The following MACROD2 variants were observed in gnomAD, a reference collection of about 807,000 sequenced individuals.
The protein encoded by MACROD2 is mono-ADP ribosylhydrolase 2.
A neutral mutation model predicts 70.4 loss-of-function variants in MACROD2; 36 were observed. The ratio of observed to expected loss-of-function variants is 0.51; its 90% CI spans 0.39 to 0.68. MACROD2 has a LOEUF of 0.68. Among genes scored for constraint, MACROD2 ranks in the 30% least tolerant of loss-of-function variants. The pLI is 0.00. For missense variants in MACROD2, 496 were observed against 538.4 expected, an observed-to-expected ratio of 0.92 and a Z score of 0.78; for synonymous variants, 172 against 178.8, an observed-to-expected ratio of 0.96 and a Z score of 0.30.
chr20:14,123,093 A>G (rs1305084871), intron 3 of MACROD2, among the ~76,000 whole-genome samples: 1 of 152,192 alleles, frequency 6.6e-6, no homozygotes, highest in Non-Finnish European at 1.5e-5. Flanking sequence ...AATAGGGTAC[A>G]TAATTTTTAG....
chr20:14,936,449 A>G (rs868669149), intron 5 of MACROD2, among the ~76,000 whole-genome samples: 13 of 152,138 alleles, frequency 8.5e-5, no homozygotes, highest in Non-Finnish European at 1.3e-4. Context: ...AAATGTTTCT[A>G]TGTCCCCACA....
chr20:14,251,408 A>C (rs1025918829), intron 3 of MACROD2, among the ~76,000 whole-genome samples: 1 of 152,094 alleles, frequency 6.6e-6, no homozygotes, highest in Non-Finnish European at 1.5e-5. Context: ...TCTTTGTTTT[A>C]TCTAAACTTG....
chr20:14,226,979 T>TGAGGACGTG (rs2081743551), intron 3 of MACROD2, among the ~76,000 whole-genome samples: 1 of 152,214 alleles, frequency 6.6e-6, no homozygotes, highest in African/African-American at 2.4e-5. Context: ...CTGAGTCTGG[T>TGAGGACGTG]GAGGACGTGG....
intron 8 of MACROD2, among the ~76,000 whole-genome samples, chr20:15,500,350 A>C (rs1055554160): frequency 6.6e-6 from 1 of 152,182 alleles, no homozygotes; most frequent in Non-Finnish European, 1.5e-5. Context: ...GGGATTTCTT[A>C]TGAAACTAAA....
intron 10 of MACROD2, among the ~76,000 whole-genome samples, chr20:15,896,839 A>C (rs1236997692): frequency 6.6e-6 from 1 of 152,182 alleles, no homozygotes; most frequent in Non-Finnish European, 1.5e-5. Context: ...ACACCATACC[A>C]ATAATGAAAT....
intron 3 of MACROD2, among the ~76,000 whole-genome samples, chr20:14,160,818 G>A (rs573425730): frequency 1.3e-4 from 19 of 151,716 alleles, no homozygotes; most frequent in Non-Finnish European, 2.2e-4. Flanking sequence ...TTATGTATTT[G>A]AAATCTTTAT....
chr20:14,967,896 G>A (rs946555796), intron 5 of MACROD2, among the ~76,000 whole-genome samples: 3 of 152,088 alleles, frequency 2.0e-5, no homozygotes, highest in Non-Finnish European at 2.9e-5. Flanking sequence ...ACCAGGATAA[G>A]GAAGATATGT....
At chr20:14,606,901 A>G (rs1982842218) in intron 4 of MACROD2, among the ~76,000 whole-genome samples, 1 of 152,096 alleles carries the variant, frequency 6.6e-6, no homozygotes, top group Non-Finnish European at 1.5e-5. Context: ...TTTGTTGTGT[A>G]AGTAACACAT....
chr20:15,772,039 C>G (rs574609209), intron 8 of MACROD2, among the ~76,000 whole-genome samples: 2 of 140,032 alleles, frequency 1.4e-5, no homozygotes, highest in East Asian at 4.3e-4. Flanking sequence ...GAGCCGAGAT[C>G]GCGCCACTGC....
rs778142501 is a variant in MACROD2 at position 15,869,210 on chromosome 20, C to CAT, written c.727+6412_727+6413dup. Among the ~76,000 whole-genome samples the CAT allele has an allele frequency of 5.1e-3, 265 of 51,870 alleles. 15 individuals carry two copies. Among genetic ancestry groups the CAT allele is most frequent in the Middle Eastern group, 0.028 (2 of 72 alleles). The allele number at this position is 51,870 out of a possible 152,430, so 34.0% of individuals were successfully genotyped here. On this transcript the variant is annotated intron_variant, in intron 9 of 17. Coordinates refer to ENST00000684519, the MANE Select transcript of MACROD2 (RefSeq NM_001351661.2). ...GTCAACTTTACTTAAATGTGATTAACATATATATATATATATATATATATA... is the reference window on the plus strand; with the variant it reads ...GTCAACTTTACTTAAATGTGATTAACATATATATATATATATATATATATATA...
chr20:15,687,007 C>CTTTTTTTTTTTT, intron 8 of MACROD2, among the ~76,000 whole-genome samples: 1 of 122,186 alleles, frequency 8.2e-6, no homozygotes, highest in East Asian at 2.3e-4. Flanking sequence ...TTTTTTTTTT[C>CTTTTTTTTTTTT]TTTTTTTTTT....
At chr20:14,804,068 T>C (rs1167758718) in intron 5 of MACROD2, among the ~76,000 whole-genome samples, 1 of 152,110 alleles carries the variant, frequency 6.6e-6, no homozygotes, top group Non-Finnish European at 1.5e-5. Flanking sequence ...AGCAAGATAA[T>C]TAGCTTATTT....
In MACROD2 at chr20:15,337,939, C is replaced by T. The variant is rs141967685; in HGVS notation, c.541-93466C>T. Reference sequence around the variant, plus strand: ...ATGTTAGTAAAGGACTAAAAGCTTACGTTTGTGTTTTGTTTACATTTCACG... The same window carrying T: ...ATGTTAGTAAAGGACTAAAAGCTTATGTTTGTGTTTTGTTTACATTTCACG... On this transcript the variant is annotated intron_variant, in intron 6 of 17. Transcript: ENST00000684519. 1.2e-3 allele frequency among the ~76,000 whole-genome samples: 177 copies of T among 151,786 alleles called. 8 individuals are homozygous for T. Among genetic ancestry groups the T allele is most frequent in the African/African-American group, 4.3e-3 (175 of 41,118 alleles).
At chr20:15,908,273 C>A (rs56408850) in intron 10 of MACROD2, among the ~76,000 whole-genome samples, 2,547 of 152,192 alleles carry the variant, frequency 0.017, 58 homozygotes, top group African/African-American at 0.053. Flanking sequence ...TCTCTTTGAC[C>A]CTTGCTGCCA....
chr20:15,894,058 T>G (rs2064931950), intron 10 of MACROD2: 1 of 404,488 alleles, frequency 2.5e-6, no homozygotes, highest in South Asian at 1.8e-5. Flanking sequence ...GTGGCCGGCC[T>G]CAGCAGGAAC....
At chr20:15,358,197 G>C (rs1489005007) in intron 6 of MACROD2, among the ~76,000 whole-genome samples, 3 of 152,162 alleles carry the variant, frequency 2.0e-5, no homozygotes, top group African/African-American at 7.2e-5. Context: ...TTAGTTCTGT[G>C]AGAAGTTACT....
chr20:15,763,446 T>G (rs2051471095), intron 8 of MACROD2, among the ~76,000 whole-genome samples: 3 of 152,330 alleles, frequency 2.0e-5, no homozygotes, highest in Admixed American at 6.5e-5. Context: ...CAAGTATATA[T>G]TCACCACACA....
intron 2 of MACROD2, among the ~76,000 whole-genome samples, chr20:14,072,250 G>A (rs950878931): frequency 6.6e-6 from 1 of 151,802 alleles, no homozygotes; most frequent in Non-Finnish European, 1.5e-5. Flanking sequence ...TTTTCTTGGT[G>A]TGTGTGTGTG....
At chr20:15,052,415 T>C (rs2075449470) in intron 5 of MACROD2, among the ~76,000 whole-genome samples, 1 of 152,260 alleles carries the variant, frequency 6.6e-6, no homozygotes, top group African/African-American at 2.4e-5. Context: ...TTAAAGAGCA[T>C]GTGCTCACTT....
Sources: allele counts gnomAD v4.1 joint callset (sites outside exome capture counted in the v4.1 genomes callset), GRCh38; gene constraint gnomAD v4.1.1; transcripts MANE v1.5; gene names NCBI Gene and HGNC (gene_info 2026-07-23, HGNC 2026-07-21).